CAMKK1: variants seen among roughly 807,000 people sequenced by gnomAD.
The protein encoded by CAMKK1 is calcium/calmodulin-dependent protein kinase kinase 1.
Under a neutral mutation model 63.5 loss-of-function variants are expected in CAMKK1, and 20 were observed. The ratio of observed to expected loss-of-function variants is 0.32; its 90% CI spans 0.22 to 0.46. CAMKK1 has a LOEUF of 0.46. Ranked by LOEUF, CAMKK1 falls within the 20% of genes least tolerant of loss-of-function variation. The pLI is 1.00. For missense variants in CAMKK1, 588 were observed against 658.1 expected, an observed-to-expected ratio of 0.89 and a Z score of 1.17; for synonymous variants, 253 against 269.0, an observed-to-expected ratio of 0.94 and a Z score of 0.58.
intron 12 of CAMKK1, among the ~76,000 whole-genome samples, chr17:3,871,338 T>TG (rs1567617923): frequency 2.5e-5 from 2 of 79,760 alleles, no homozygotes; most frequent in Non-Finnish European, 4.7e-5. Context: ...TTTTTGTTTT[T>TG]TTTTTTTTGT....
rs777434969 is a variant in CAMKK1 at position 3,869,785 on chromosome 17, C to T, written c.1212+16G>A. 4.3e-6 allele frequency: 7 copies of T among 1,612,000 alleles called. No homozygotes were observed. In the Admixed American group the frequency reaches 1.2e-4, roughly 27 times the overall value. On this transcript the variant is annotated intron_variant, in intron 13 of 15. Transcript: ENST00000348335. ...TTCTGTGTCCCAGCCCAGCCCAAGACCCCCAGTTCCCCGACCTTGATGTCT... is the reference window on the plus strand; with the variant it reads ...TTCTGTGTCCCAGCCCAGCCCAAGATCCCCAGTTCCCCGACCTTGATGTCT...
At position 3,876,308 on chromosome 17, in the gene CAMKK1, T is replaced by C. The variant is rs2055149728; in HGVS notation, c.911A>G (p.Asp304Gly). 6.2e-7 allele frequency: 1 copy of C among 1,614,120 alleles called. No homozygotes were observed. Among genetic ancestry groups the C allele is most frequent in the South Asian group, 1.1e-5 (1 of 91,090 alleles). ...TCCCGCCGTGCTGGACAGCTGAGCG[T>C]CGTTCCCCTCAAACTGGTTGCTGAC... ...FGVSNQFEGN[D>G]AQLSSTAGTP... Residue 304 changes from aspartate to glycine, a missense_variant, in exon 10 of 16, where the codon GAC (aspartate) becomes GGC (glycine). By Grantham distance (94) the Asp-to-Gly change is moderately conservative (BLOSUM62 -1). Around this residue, in one of 3 missense-constraint regions of CAMKK1, gnomAD observed 357 missense variants for 407.4 expected, o/e 0.88. Transcript: ENST00000348335.
chr17:3,887,263 G>A lies in CAMKK1; in HGVS notation c.-43-1533C>T, dbSNP rs2055692969. Among the ~76,000 whole-genome samples, 1 of 152,200 alleles carries A rather than the reference G, an allele frequency of 6.6e-6. No individual in the cohort carries two copies. The highest frequency in any genetic ancestry group is 6.5e-5 in the Admixed American group (1 of 15,278). ...TTCCAGGCTCACAGCAGGGTTTGGA[G>A]GTAGACTGAGGGTAAGGGTGAGGTC... On this transcript the variant is annotated intron_variant, in intron 1 of 15. Transcript: ENST00000348335. The surrounding 1 kb of genome is among the most constrained non-coding windows in gnomAD (Gnocchi z 6.1).
At chr17:3,864,713 C>T (rs1175620237) in intron 15 of CAMKK1, among the ~76,000 whole-genome samples, 2 of 152,196 alleles carry the variant, frequency 1.3e-5, no homozygotes, top group Non-Finnish European at 2.9e-5. Context: ...CAACCACCTC[C>T]CTGAAGAGAT....
At chr17:3,868,949 G>A (rs950924209) in intron 14 of CAMKK1, among the ~76,000 whole-genome samples, 29 of 150,186 alleles carry the variant, frequency 1.9e-4, no homozygotes, top group Middle Eastern at 3.4e-3. Context: ...CACCGCGCCC[G>A]GTATTTCTTT....
At position 3,879,995 on chromosome 17, in the gene CAMKK1, C is replaced by T. The variant is rs1338460996; in HGVS notation, c.796+351G>A. ...CCCCGGCCCCATGCCAGGACAGACT[C>T]TCCCCAGCAGCTGGACATAAATCCC... is the stretch of plus-strand genomic sequence containing the variant. On this transcript the variant is annotated intron_variant, in intron 9 of 15. Coordinates refer to ENST00000348335, the MANE Select transcript of CAMKK1 (RefSeq NM_032294.3). The surrounding 1 kb of genome is among the most constrained non-coding windows in gnomAD (Gnocchi z 4.5). The T allele has an allele frequency of 1.7e-5, 5 of 295,336 alleles. No homozygotes were observed. The highest frequency in any genetic ancestry group is 3.3e-5 in the Non-Finnish European group (5 of 152,856). The allele number at this position is 295,336 out of a possible 1,614,324, so 18.3% of individuals were successfully genotyped here.
intron 11 of CAMKK1, 46 bp downstream of exon 11, chr17:3,873,363 G>T (rs376691458): frequency 3.1e-6 from 5 of 1,588,816 alleles, no homozygotes; most frequent in Non-Finnish European, 3.5e-6. Context: ...GCCCGTGCCC[G>T]CCTCACTGGA....
At chr17:3,885,800 C>T (rs1050948751) in intron 1 of CAMKK1, 70 bp from the exon 2 acceptor site, 12 of 1,474,608 alleles carry the variant, frequency 8.1e-6, no homozygotes, top group East Asian at 2.3e-5. Context: ...GTAGCCACAG[C>T]GCTGTGGGTC....
chr17:3,881,758 C>T (rs1164080167), intron 7 of CAMKK1, 110 bp from the exon 8 acceptor site: 7 of 983,572 alleles, frequency 7.1e-6, no homozygotes, highest in Middle Eastern at 2.0e-4. Flanking sequence ...CAGGCATACT[C>T]GAGGCAGGGA....
chr17:3,885,993 G>A (rs565486986), intron 1 of CAMKK1, among the ~76,000 whole-genome samples: 2 of 152,368 alleles, frequency 1.3e-5, no homozygotes, highest in East Asian at 3.9e-4. Context: ...CAGGGAAGCA[G>A]AGAGAATCTG....
Position 3,890,889 on chromosome 17 carries a change from T to G in CAMKK1, c.-44+2050A>C, listed in dbSNP as rs1163808949. ...GGGTGAGCTCACCAAGTCAAACCCC[T>G]TAGAAGTCCAGATTCTACCCACTGC... On this transcript the variant is annotated intron_variant, in intron 1 of 15. Transcript: ENST00000348335. This position sits in a 1 kb window ranked among gnomAD's most constrained non-coding sequence, Gnocchi z 6.5. 1.5e-6 allele frequency: 1 copy of G among 685,990 alleles called. No homozygotes were observed. Among genetic ancestry groups the G allele is most frequent in the Non-Finnish European group, 2.7e-6 (1 of 367,874 alleles). 42.5% of individuals were successfully genotyped at this position (685,990 alleles called of 1,614,324 possible). A position where few individuals can be genotyped will look rare whatever the true frequency, so the allele number is the denominator to read the frequency against.
intron 12 of CAMKK1, among the ~76,000 whole-genome samples, chr17:3,871,343 TTTTG>T (rs1483074058): frequency 5.9e-5 from 5 of 84,088 alleles, no homozygotes; most frequent in African/African-American, 3.2e-4. Context: ...GTTTTTTTTT[TTTTG>T]TTTTTTTTTT....
chr17:3,882,271 C>T lies in CAMKK1; in HGVS notation c.685+257G>A. 7 of 1,613,562 alleles carry T rather than the reference C, an allele frequency of 4.3e-6. No homozygotes were observed. Among genetic ancestry groups the T allele is most frequent in the Non-Finnish European group, 5.9e-6 (7 of 1,179,584 alleles). ...CCTGCATCTACCTGAGCGCGCAGCCCACGTGGATCCACTGTCTTGCTGCTC... is the reference window on the plus strand; with the variant it reads ...CCTGCATCTACCTGAGCGCGCAGCCTACGTGGATCCACTGTCTTGCTGCTC... On this transcript the variant is annotated intron_variant, in intron 7 of 15. Coordinates refer to ENST00000348335, the MANE Select transcript of CAMKK1 (RefSeq NM_032294.3). The surrounding 1 kb of genome is among the most constrained non-coding windows in gnomAD (Gnocchi z 4.3).
chr17:3,869,983 G>A, intron 12 of CAMKK1, 95 bp from the exon 13 acceptor site: 3 of 997,436 alleles, frequency 3.0e-6, no homozygotes, highest in South Asian at 1.3e-5. Context: ...CCTCGGATGG[G>A]AAGACTGAGT....
rs559112129 is a variant in CAMKK1, at chr17:3,889,393, C to G, written c.-44+3546G>C. Among the ~76,000 whole-genome samples the G allele has an allele frequency of 1.3e-5, 2 of 152,120 alleles. No individual in the cohort carries two copies. Among genetic ancestry groups the G allele is most frequent in the Non-Finnish European group, 2.9e-5 (2 of 68,002 alleles). ...ATGGGCACTGGCTTAGTCCTGCGGC[C>G]GTGAACAGCCAGACTCAAGCCCTCC... On this transcript the variant is annotated intron_variant, in intron 1 of 15. Transcript: ENST00000348335. The surrounding 1 kb of genome is among the most constrained non-coding windows in gnomAD (Gnocchi z 5.2).
chr17:3,893,031 C>A lies in CAMKK1; in HGVS notation c.-136G>T, dbSNP rs1379859269. 6.7e-5 allele frequency: 10 copies of A among 149,100 alleles called. No individual in the cohort carries two copies. Among genetic ancestry groups the A allele is most frequent in the African/African-American group, 1.9e-4 (8 of 41,092 alleles). The allele number at this position is 149,100 out of a possible 1,614,324, so 9.2% of individuals were successfully genotyped here. ...CCCGCCCCGCCCCGCCCCACCGCCT[C>A]GCTGGGGCCCAGATCGCCGAGCTCA... On this transcript the variant is annotated 5_prime_UTR_variant, in exon 1 of 16. Coordinates refer to ENST00000348335, the MANE Select transcript of CAMKK1 (RefSeq NM_032294.3). The surrounding 1 kb of genome is among the most constrained non-coding windows in gnomAD (Gnocchi z 4.6).
intron 15 of CAMKK1, among the ~76,000 whole-genome samples, chr17:3,864,902 A>C (rs73320278): frequency 0.021 from 3,126 of 152,236 alleles, 66 homozygotes; most frequent in African/African-American, 0.05. Context: ...GGAAACCAAC[A>C]TGGTGGTCCC....
chr17:3,869,197 T>A (rs929118300), intron 14 of CAMKK1, among the ~76,000 whole-genome samples: 1 of 152,104 alleles, frequency 6.6e-6, no homozygotes, highest in African/African-American at 2.4e-5. Flanking sequence ...GACCTCGTGA[T>A]CTGCCCGCCT....
At position 3,884,663 on chromosome 17, in the gene CAMKK1, T is replaced by G. The variant is rs2055566805; in HGVS notation, c.361-236A>C. On this transcript the variant is annotated intron_variant, in intron 2 of 15. Coordinates refer to ENST00000348335, the MANE Select transcript of CAMKK1 (RefSeq NM_032294.3). The surrounding 1 kb of genome is among the most constrained non-coding windows in gnomAD (Gnocchi z 4.5). ...TGGTGACGCCATGGCTGTGCCTTGT[T>G]CCCCAGAAGCAGTGGTGAAGGGAAA... Among the ~76,000 whole-genome samples the G allele has an allele frequency of 1.3e-5, 2 of 152,264 alleles. No homozygotes were observed. The highest frequency in any genetic ancestry group is 4.1e-4 in the South Asian group (2 of 4,836).
Sources: allele counts gnomAD v4.1 joint callset (sites outside exome capture counted in the v4.1 genomes callset), GRCh38; gene constraint gnomAD v4.1.1; regional missense constraint gnomAD v4.1.1; non-coding constraint Gnocchi (gnomAD v3.1); transcripts MANE v1.5; gene names NCBI Gene and HGNC (gene_info 2026-07-23, HGNC 2026-07-21).